Variants in SHROOM4 observed in about 807,000 individuals in gnomAD.
SHROOM4 encodes the protein protein Shroom4.
A neutral mutation model predicts 80.3 loss-of-function variants in SHROOM4; 17 were observed. The ratio of observed to expected loss-of-function variants is 0.21; its 90% CI spans 0.14 to 0.32. SHROOM4 has a LOEUF of 0.32. Among genes scored for constraint, SHROOM4 ranks in the 10% least tolerant of loss-of-function variants. The probability of loss-of-function intolerance (pLI) is 1.00; values close to 1 mark genes in which losing one functional copy is unlikely to be tolerated. For synonymous variants in SHROOM4, 400 were observed against 437.5 expected (o/e 0.91, Z 1.07); for missense variants, 993 against 1,140.3 (o/e 0.87, Z 1.86).
At chrX:50,766,553 C>T (rs914401980) in intron 1 of SHROOM4, among the ~76,000 whole-genome samples, 1 of 111,290 alleles carries the variant, frequency 9.0e-6, no homozygotes, top group Admixed American at 9.6e-5. Flanking sequence ...TCATACCATA[C>T]ACTTGAATAA....
At chrX:50,655,196 G>A (rs1557259338) in intron 2 of SHROOM4, among the ~76,000 whole-genome samples, 1 of 109,305 alleles carries the variant, frequency 9.1e-6, no homozygotes, top group Non-Finnish European at 1.9e-5. Flanking sequence ...ACCATTGATG[G>A]GCACCTAGGT....
chrX:50,600,768 T>A (rs1389174478), intron 7 of SHROOM4, among the ~76,000 whole-genome samples: 1 of 111,931 alleles, frequency 8.9e-6, no homozygotes, highest in Non-Finnish European at 1.9e-5. Context: ...ATGATCTCAG[T>A]CTGAAGTATA....
intron 1 of SHROOM4, among the ~76,000 whole-genome samples, chrX:50,768,652 C>T (rs1406867890): frequency 1.8e-5 from 2 of 112,229 alleles, no homozygotes. Context: ...TTTTCCCCCA[C>T]CTATGAACGT....
intron 1 of SHROOM4, among the ~76,000 whole-genome samples, chrX:50,782,588 T>C: frequency 8.9e-6 from 1 of 111,988 alleles, no homozygotes; most frequent in South Asian, 3.7e-4. Flanking sequence ...GTGAAAACAA[T>C]GTAAATATCC....
chrX:50,788,676 A>C (rs1192061100), intron 1 of SHROOM4, among the ~76,000 whole-genome samples: 1 of 111,829 alleles, frequency 8.9e-6, no homozygotes, highest in African/African-American at 3.2e-5. Flanking sequence ...GTTCTTCTCT[A>C]TTAATAACTA....
At chrX:50,627,498 A>T in intron 5 of SHROOM4, 116 bp downstream of exon 5, 1 of 639,026 alleles carries the variant, frequency 1.6e-6, no homozygotes, top group Non-Finnish European at 2.6e-6. Flanking sequence ...TCAAGCCCTT[A>T]GTCTAGATAC....
intron 1 of SHROOM4, among the ~76,000 whole-genome samples, chrX:50,788,854 C>CA (rs1378236003): frequency 1.8e-5 from 2 of 110,369 alleles, no homozygotes; most frequent in East Asian, 5.7e-4. Flanking sequence ...AAATGCTAAC[C>CA]AAAAAACAGC....
At chrX:50,744,208 C>T (rs1934728014) in intron 1 of SHROOM4, among the ~76,000 whole-genome samples, 1 of 111,214 alleles carries the variant, frequency 9.0e-6, no homozygotes, top group Non-Finnish European at 1.9e-5. Flanking sequence ...GCCTTTTTCT[C>T]TTCTCCCCTT....
At chrX:50,680,877 C>T (rs1276175810) in intron 2 of SHROOM4, among the ~76,000 whole-genome samples, 2 of 111,109 alleles carry the variant, frequency 1.8e-5, no homozygotes, top group African/African-American at 6.6e-5. Context: ...TAAAACCAAG[C>T]TACTTCTTTC....
chrX:50,789,526 C>A (rs1935814599), intron 1 of SHROOM4, among the ~76,000 whole-genome samples: 1 of 111,023 alleles, frequency 9.0e-6, no homozygotes, highest in South Asian at 3.7e-4. Flanking sequence ...ATTATAGTGA[C>A]AAATGCCTAC....
intron 7 of SHROOM4, 136 bp from the exon 8 acceptor site, chrX:50,598,671 T>C: frequency 2.5e-6 from 2 of 795,610 alleles, no homozygotes; most frequent in Non-Finnish European, 3.6e-6. Context: ...CAAAGGAAAC[T>C]TGGGCAAGTC....
At chrX:50,646,247 G>A (rs1203001822) in intron 2 of SHROOM4, among the ~76,000 whole-genome samples, 3 of 111,371 alleles carry the variant, frequency 2.7e-5, no homozygotes, top group African/African-American at 9.8e-5. Context: ...TATTTTCTGT[G>A]GCTCTTCCAG....
At chrX:50,659,417 G>A (rs1197794410) in intron 2 of SHROOM4, among the ~76,000 whole-genome samples, 1 of 111,574 alleles carries the variant, frequency 9.0e-6, no homozygotes, top group African/African-American at 3.3e-5. Context: ...AGATGTGAGG[G>A]ATAAATAAGA....
intron 1 of SHROOM4, among the ~76,000 whole-genome samples, chrX:50,749,255 C>A (rs782411916): frequency 9.0e-6 from 1 of 111,658 alleles, no homozygotes; most frequent in Non-Finnish European, 1.9e-5. Flanking sequence ...CTGAAATACA[C>A]ACTTATAAAA....
intron 1 of SHROOM4, among the ~76,000 whole-genome samples, chrX:50,704,191 C>G (rs1557263754): frequency 9.0e-6 from 1 of 111,721 alleles, no homozygotes; most frequent in Non-Finnish European, 1.9e-5. Context: ...CTTTTACCTA[C>G]CGCCTAATAT....
chrX:50,727,141 G>A (rs868978058), intron 1 of SHROOM4, among the ~76,000 whole-genome samples: 31 of 112,908 alleles, frequency 2.7e-4, no homozygotes, highest in Middle Eastern at 4.2e-3. Flanking sequence ...CTGGGTTTCA[G>A]ATTTGCATTG....
rs1258823042 is a variant in SHROOM4, at chrX:50,641,093, C to T, written c.270-2785G>A. Among the ~76,000 whole-genome samples, 3 of 112,195 alleles carry T rather than the reference C, an allele frequency of 2.7e-5. No homozygotes were observed. In the Admixed American group the frequency reaches 2.8e-4, roughly 11 times the overall value. On this transcript the variant is annotated intron_variant, in intron 2 of 8. Coordinates refer to ENST00000376020, the MANE Select transcript of SHROOM4 (RefSeq NM_020717.5). Reference sequence around the variant, plus strand: ...TTTGTTAACCTAAATCCTACCTGTTCTTCAAGGTACTGCTCAAGTACCATC... The same window carrying T: ...TTTGTTAACCTAAATCCTACCTGTTTTTCAAGGTACTGCTCAAGTACCATC...
chrX:50,785,778 T>C (rs1456023569), intron 1 of SHROOM4, among the ~76,000 whole-genome samples: 2 of 111,546 alleles, frequency 1.8e-5, no homozygotes, highest in Non-Finnish European at 3.8e-5. Context: ...TCAATTTATA[T>C]ACGTATTTAT....
At chrX:50,671,532 T>A (rs1003612447) in intron 2 of SHROOM4, among the ~76,000 whole-genome samples, 2 of 112,497 alleles carry the variant, frequency 1.8e-5, no homozygotes, top group Non-Finnish European at 3.7e-5. Context: ...CCCCTTGCAC[T>A]TTTATGTTAT....
Sources: allele counts gnomAD v4.1 joint callset (sites outside exome capture counted in the v4.1 genomes callset), GRCh38; gene constraint gnomAD v4.1.1; transcripts MANE v1.5; gene names NCBI Gene and HGNC (gene_info 2026-07-23, HGNC 2026-07-21).